Variants in PGR observed in about 807,000 individuals in gnomAD.
PGR encodes the protein nuclear receptor subfamily 3 group C member 3.
A neutral mutation model predicts 76.1 loss-of-function variants in PGR; 25 were observed. That is an observed-to-expected ratio of 0.33 (90% confidence interval 0.24 to 0.46). The LOEUF is 0.46. PGR is among the 20% of genes least tolerant of loss of function. The pLI is 1.00. For missense variants in PGR, 1,172 were observed against 1,225.3 expected (o/e 0.96, Z 0.65); for synonymous variants, 579 against 535.0 (o/e 1.08, Z -1.14).
intron 2 of PGR, among the ~76,000 whole-genome samples, chr11:101,124,703 A>G (rs1263990593): frequency 1.3e-5 from 2 of 152,162 alleles, no homozygotes; most frequent in Admixed American, 1.3e-4. Flanking sequence ...CCATTGGAAA[A>G]CTGACTTTTC....
intron 3 of PGR, among the ~76,000 whole-genome samples, chr11:101,086,845 C>T (rs906785851): frequency 6.6e-6 from 1 of 151,982 alleles, no homozygotes; most frequent in Non-Finnish European, 1.5e-5. Context: ...TAGCCACACA[C>T]ACACACAAAA....
chr11:101,034,459 T>G lies in PGR; in HGVS notation c.*4657A>C, dbSNP rs1323280535. The G allele has an allele frequency of 5.4e-6, 1 of 183,596 alleles. No homozygotes were observed. The allele number at this position is 183,596 out of a possible 1,614,324, so 11.4% of individuals were successfully genotyped here. A position where few individuals can be genotyped will look rare whatever the true frequency, so the allele number is the denominator to read the frequency against. ...ATAGGATATTCAGAGAAGGTATGTA[T>G]TGAATAATTTCTGCCATGAACAGCT... On this transcript the variant is annotated 3_prime_UTR_variant, in exon 8 of 8. Coordinates refer to ENST00000325455, the MANE Select transcript of PGR (RefSeq NM_000926.4).
intron 2 of PGR, among the ~76,000 whole-genome samples, chr11:101,107,718 G>GT (rs1002915152): frequency 5.5e-4 from 84 of 151,970 alleles, no homozygotes; most frequent in African/African-American, 1.9e-3. Flanking sequence ...ATGAAGTTTA[G>GT]TTTTTTCTTC....
intron 2 of PGR, among the ~76,000 whole-genome samples, chr11:101,099,305 G>C (rs1861927762): frequency 6.6e-6 from 1 of 152,154 alleles, no homozygotes; most frequent in South Asian, 2.1e-4. Flanking sequence ...AAAATAAGCA[G>C]ACATAGAAAA....
chr11:101,035,080 G>A lies in PGR; in HGVS notation c.*4036C>T, dbSNP rs2135370037. 1 of 207,120 alleles carries A rather than the reference G, an allele frequency of 4.8e-6. No homozygotes were observed. The highest frequency in any genetic ancestry group is 1.9e-4 in the South Asian group (1 of 5,314). 12.8% of individuals were successfully genotyped at this position (207,120 alleles called of 1,614,324 possible). A position where few individuals can be genotyped will look rare whatever the true frequency, so the allele number is the denominator to read the frequency against. ...ATGTATTTTCTGTAAAATTTTAAGA[G>A]ATGTAGAAATTTCCCACATCCAATG... On this transcript the variant is annotated 3_prime_UTR_variant, in exon 8 of 8. Coordinates refer to ENST00000325455, the MANE Select transcript of PGR (RefSeq NM_000926.4).
At chr11:101,049,894 A>T (rs1860030481) in intron 6 of PGR, 35 bp downstream of exon 6, 1 of 1,561,056 alleles carries the variant, frequency 6.4e-7, no homozygotes, top group Non-Finnish European at 8.8e-7. Flanking sequence ...TTAAGAAACT[A>T]GATATCTTGC....
chr11:101,075,144 G>A (rs1238838892), intron 3 of PGR, among the ~76,000 whole-genome samples: 4 of 152,046 alleles, frequency 2.6e-5, no homozygotes, highest in African/African-American at 9.7e-5. Context: ...CAATGAAGCA[G>A]AACAGAGGCC....
chr11:101,065,517 CAA>C (rs150930469), intron 3 of PGR, among the ~76,000 whole-genome samples: 1,599 of 152,084 alleles, frequency 0.011, 35 homozygotes, highest in African/African-American at 0.037. Context: ...GAAAATAAGA[CAA>C]TGGCAAAAAG....
chr11:101,104,355 T>G (rs1193843560), intron 2 of PGR, among the ~76,000 whole-genome samples: 1 of 152,222 alleles, frequency 6.6e-6, no homozygotes, highest in Non-Finnish European at 1.5e-5. Flanking sequence ...GTTCTGTCAC[T>G]TTCTGCAGCA....
chr11:101,084,889 T>C (rs1861439835), intron 3 of PGR, among the ~76,000 whole-genome samples: 1 of 152,080 alleles, frequency 6.6e-6, no homozygotes, highest in Non-Finnish European at 1.5e-5. Context: ...GGCATAACGA[T>C]AAAGAGTTCA....
chr11:101,052,040 T>G lies in PGR; in HGVS notation c.2213-472A>C, dbSNP rs114804766. On this transcript the variant is annotated intron_variant, in intron 4 of 7. Coordinates refer to ENST00000325455, the MANE Select transcript of PGR (RefSeq NM_000926.4). ...AAAACTTTCTAGAAAAAAAGAGAGATAATGCCTGAATGGAATATAATCAGT... is the reference window on the plus strand; with the variant it reads ...AAAACTTTCTAGAAAAAAAGAGAGAGAATGCCTGAATGGAATATAATCAGT... Among the ~76,000 whole-genome samples the G allele has an allele frequency of 1.1e-3, 167 of 152,182 alleles. 1 individual carries two copies. Among genetic ancestry groups the G allele is most frequent in the African/African-American group, 3.5e-3 (146 of 41,538 alleles).
chr11:101,078,283 T>C (rs952496100), intron 3 of PGR, among the ~76,000 whole-genome samples: 2 of 151,450 alleles, frequency 1.3e-5, no homozygotes, highest in East Asian at 1.9e-4. Flanking sequence ...AAGAAAATAA[T>C]AGAAAAAAAG....
rs1213255309 is a variant in PGR, at chr11:101,030,638, G to A, written c.*8478C>T. 4 of 214,766 alleles carry A rather than the reference G, an allele frequency of 1.9e-5. No homozygotes were observed. The highest frequency in any genetic ancestry group is 4.5e-5 in the African/African-American group (2 of 44,328). The allele number at this position is 214,766 out of a possible 1,614,324, so 13.3% of individuals were successfully genotyped here. A position where few individuals can be genotyped will look rare whatever the true frequency, so the allele number is the denominator to read the frequency against. ...TGAGGAGAATTGGAATTGTTATAGC[G>A]GAAATGTTCAAAGAAAGTCAACATT... On this transcript the variant is annotated 3_prime_UTR_variant, in exon 8 of 8. Coordinates refer to ENST00000325455, the MANE Select transcript of PGR (RefSeq NM_000926.4).
intron 2 of PGR, among the ~76,000 whole-genome samples, chr11:101,100,291 T>A (rs1861958397): frequency 6.6e-6 from 1 of 152,186 alleles, no homozygotes; most frequent in South Asian, 2.1e-4. Flanking sequence ...CTACTGGCAC[T>A]CATTCTCTCT....
chr11:101,121,670 A>G (rs760928021), intron 2 of PGR, among the ~76,000 whole-genome samples: 1 of 152,168 alleles, frequency 6.6e-6, no homozygotes, highest in Non-Finnish European at 1.5e-5. Flanking sequence ...CACATGTGCA[A>G]TTAGTCATGT....
chr11:101,035,908 T>A lies in PGR; in HGVS notation c.*3208A>T, dbSNP rs1473778281. On this transcript the variant is annotated 3_prime_UTR_variant, in exon 8 of 8. Transcript: ENST00000325455. ...AGTTTGATAAAATTATAGCCAGAACTATGGCTTAATGAAAACAAAATAGTA... is the reference window on the plus strand; with the variant it reads ...AGTTTGATAAAATTATAGCCAGAACAATGGCTTAATGAAAACAAAATAGTA... 1 of 230,626 alleles carries A rather than the reference T, an allele frequency of 4.3e-6. No homozygotes were observed. The highest frequency in any genetic ancestry group is 2.2e-5 in the African/African-American group (1 of 45,202). 14.3% of individuals were successfully genotyped at this position (230,626 alleles called of 1,614,324 possible). A position where few individuals can be genotyped will look rare whatever the true frequency, so the allele number is the denominator to read the frequency against.
At chr11:101,097,933 C>A (rs373703637) in intron 2 of PGR, among the ~76,000 whole-genome samples, 1 of 151,954 alleles carries the variant, frequency 6.6e-6, no homozygotes, top group African/African-American at 2.4e-5. Context: ...CCCACCACCA[C>A]GTCTGGCTAA....
At chr11:101,052,463 A>G (rs1860129704) in intron 4 of PGR, among the ~76,000 whole-genome samples, 1 of 152,096 alleles carries the variant, frequency 6.6e-6, no homozygotes, top group Non-Finnish European at 1.5e-5. Context: ...CCCAATTCTC[A>G]AGGGAAGATC....
At position 101,039,241 on chromosome 11, in the gene PGR, T is replaced by C. The variant is rs1483170654; in HGVS notation, c.2677A>G (p.Asn893Asp). 1 of 1,611,450 alleles carries C rather than the reference T, an allele frequency of 6.2e-7. No individual in the cohort carries two copies. The highest frequency in any genetic ancestry group is 1.1e-5 in the South Asian group (1 of 91,016). The change falls in exon 8 of 8, where the codon AAT (asparagine) becomes GAT (aspartate). Residue 893 changes from asparagine (N) to aspartate (D), a missense_variant. Transcript: ENST00000325455. ...LVKQLHLYCLNTFIQSRALSV... is the reference protein window; with the variant it reads ...LVKQLHLYCLDTFIQSRALSV... ...AGTGCCCGGGACTGGATAAATGTAT[T>C]CAAGCAGTACAGATGAAGTTGTTTG...
Sources: gnomAD v4.1 joint callset for allele counts (sites outside exome capture counted in the v4.1 genomes callset) on GRCh38, gnomAD v4.1.1 for gene constraint, MANE v1.5 for transcripts, NCBI Gene and HGNC (gene_info 2026-07-23, HGNC 2026-07-21) for gene names.